MEP1B: variants seen among roughly 807,000 people sequenced by gnomAD.
MEP1B encodes the protein meprin A subunit beta.
A neutral mutation model predicts 84.6 loss-of-function variants in MEP1B; 80 were observed. The observed-to-expected ratio is 0.95, with a 90% CI of 0.79 to 1.14. The LOEUF is 1.14. MEP1B is among the 50% of genes most tolerant of loss of function. The pLI is 0.00. For synonymous variants in MEP1B, 273 were observed against 288.1 expected (o/e 0.95, Z 0.53); for missense variants, 766 against 855.1 (o/e 0.90, Z 1.30).
intron 14 of MEP1B, among the ~76,000 whole-genome samples, chr18:32,218,254 G>A (rs538193874): frequency 6.6e-6 from 1 of 152,234 alleles, no homozygotes; most frequent in East Asian, 1.9e-4. Flanking sequence ...GACCTGAAAG[G>A]CACAACTGAT....
intron 6 of MEP1B, 90 bp from the exon 7 acceptor site, chr18:32,204,092 G>A (rs2040939285): frequency 9.5e-7 from 1 of 1,056,954 alleles, no homozygotes; most frequent in Admixed American, 2.0e-5. Flanking sequence ...AATGAAGTGG[G>A]TAATGAAGTG....
chr18:32,201,820 T>C (rs985635736), intron 5 of MEP1B, among the ~76,000 whole-genome samples: 3 of 152,256 alleles, frequency 2.0e-5, no homozygotes, highest in Non-Finnish European at 2.9e-5. Context: ...GGGTCTTCCC[T>C]ATGTGAATCC....
intron 14 of MEP1B, among the ~76,000 whole-genome samples, chr18:32,219,235 C>T (rs1359751313): frequency 6.6e-6 from 1 of 152,170 alleles, no homozygotes; most frequent in African/African-American, 2.4e-5. Context: ...TCAGTCAAAA[C>T]ATGAACAATG....
At chr18:32,192,579 A>G (rs981487635) in intron 2 of MEP1B, 67 bp from the exon 3 acceptor site, 33 of 1,457,068 alleles carry the variant, frequency 2.3e-5, no homozygotes, top group Non-Finnish European at 2.9e-5. Context: ...GATTATATAA[A>G]TGATAAAGGT....
At chr18:32,195,301 G>A in intron 4 of MEP1B, 106 bp from the exon 5 acceptor site, 1 of 688,218 alleles carries the variant, frequency 1.5e-6, no homozygotes, top group South Asian at 1.8e-5. Flanking sequence ...ATTTGTTTGT[G>A]CGAACTGGGA....
At chr18:32,201,552 A>G (rs1020966612) in intron 5 of MEP1B, among the ~76,000 whole-genome samples, 2 of 152,178 alleles carry the variant, frequency 1.3e-5, no homozygotes, top group African/African-American at 4.8e-5. Flanking sequence ...TATTTTGATG[A>G]CATAATATTT....
chr18:32,192,070 CAT>C (rs1236706336), intron 2 of MEP1B, among the ~76,000 whole-genome samples: 2 of 152,058 alleles, frequency 1.3e-5, no homozygotes, highest in African/African-American at 4.8e-5. Context: ...GTGACTGACA[CAT>C]AGACATCCCA....
rs746309398 is a variant in MEP1B at position 32,204,181 on chromosome 18, G to A, written c.369-1G>A. The A allele has an allele frequency of 6.2e-6, 10 of 1,603,916 alleles. No homozygotes were observed. The highest frequency in any genetic ancestry group is 1.7e-4 in the Middle Eastern group (1 of 6,044). On this transcript the variant is annotated splice_acceptor_variant, in intron 6 of 14. Coordinates refer to ENST00000269202, the MANE Select transcript of MEP1B (RefSeq NM_005925.3). LOFTEE classifies it high-confidence loss of function. Reference sequence around the variant, plus strand: ...CCCTTTCTTGTAAACTCTCCTGTAAGCTGCTGGTCTTCAGTAGGAAATAGG... The same window carrying A: ...CCCTTTCTTGTAAACTCTCCTGTAAACTGCTGGTCTTCAGTAGGAAATAGG...
rs529373473 is a variant in MEP1B, at chr18:32,191,809, G to A, written c.64-13G>A. On this transcript the variant is annotated splice_polypyrimidine_tract_variant and intron_variant, in intron 1 of 14. Coordinates refer to ENST00000269202, the MANE Select transcript of MEP1B (RefSeq NM_005925.3). ...TTATAATAATATGTTTTGTTTATGT[G>A]TTTATTTCCCAGGCAACTCCAGAAA... 4 of 1,522,242 alleles carry A rather than the reference G, an allele frequency of 2.6e-6. No homozygotes were observed. The highest frequency in any genetic ancestry group is 2.4e-5 in the East Asian group (1 of 42,280). The allele number at this position is 1,522,242 out of a possible 1,614,324, so 94.3% of individuals were successfully genotyped here.
At chr18:32,193,767 C>T (rs2040825591) in intron 4 of MEP1B, among the ~76,000 whole-genome samples, 2 of 152,128 alleles carry the variant, frequency 1.3e-5, no homozygotes, top group South Asian at 4.1e-4. Flanking sequence ...AGTCCTCCCA[C>T]CCCCAGGAAA....
chr18:32,220,155 C>G, intron 14 of MEP1B, 76 bp from the exon 15 acceptor site: 1 of 1,356,746 alleles, frequency 7.4e-7, no homozygotes, highest in Non-Finnish European at 1.0e-6. Context: ...AAGACCAGAT[C>G]ATTTTATTAT....
chr18:32,196,576 C>T lies in MEP1B; in HGVS notation c.250+1091C>T, dbSNP rs2040857404. The T allele has an allele frequency of 4.2e-6, 3 of 716,044 alleles. No homozygotes were observed. The highest frequency in any genetic ancestry group is 5.1e-6 in the Non-Finnish European group (2 of 389,794). 44.4% of individuals were successfully genotyped at this position (716,044 alleles called of 1,614,324 possible). A position where few individuals can be genotyped will look rare whatever the true frequency, so the allele number is the denominator to read the frequency against. On this transcript the variant is annotated intron_variant, in intron 5 of 14. Transcript: ENST00000269202. This position sits in a 1 kb window ranked among gnomAD's most constrained non-coding sequence, Gnocchi z 4.4. ...TGGTACTTGGTGCTGACGGCCAGCG[C>T]GTTGTCCAGGAAGCACAGCGACAGG...
chr18:32,211,413 G>T (rs1161401423), intron 10 of MEP1B, among the ~76,000 whole-genome samples: 2 of 152,146 alleles, frequency 1.3e-5, no homozygotes, highest in Non-Finnish European at 2.9e-5. Context: ...GCTTGAGGGG[G>T]AATTATTAAT....
At chr18:32,206,238 C>T (rs1321167119) in intron 7 of MEP1B, among the ~76,000 whole-genome samples, 1 of 152,104 alleles carries the variant, frequency 6.6e-6, no homozygotes, top group African/African-American at 2.4e-5. Context: ...TTCCAGTAAC[C>T]ATGAATTATG....
chr18:32,210,256 G>A (rs1382352253), intron 9 of MEP1B, among the ~76,000 whole-genome samples: 2 of 152,168 alleles, frequency 1.3e-5, no homozygotes, highest in African/African-American at 4.8e-5. Context: ...TAGTGCCCAC[G>A]GAAAACTACT....
Position 32,202,955 on chromosome 18 carries a change from G to T in MEP1B, c.313G>T (p.Asp105Tyr). The change falls in exon 6 of 15, where the codon GAC (aspartate) becomes TAC (tyrosine). Residue 105 changes from aspartate to tyrosine, a missense_variant. Physicochemically the swap from Asp to Tyr is radical, Grantham distance 160. Transcript: ENST00000269202. The part of the protein sequence containing the change: ...FERYRLKTCI[D>Y]FKPWAGETNY... ...ACGTTATCGCCTTAAAACATGTATT[G>T]ACTTTAAGCCTTGGGCTGGAGAAAC... The T allele has an allele frequency of 6.2e-7, 1 of 1,612,902 alleles. No homozygotes were observed.
rs530101216 is a variant in MEP1B, at chr18:32,203,271, G to A, written c.368+261G>A. The A allele has an allele frequency of 3.8e-4, 128 of 340,428 alleles. 1 individual carries two copies. The East Asian group carries it at 6.0e-3, about 16-fold the overall frequency. The allele number at this position is 340,428 out of a possible 1,614,324, so 21.1% of individuals were successfully genotyped here. A position where few individuals can be genotyped will look rare whatever the true frequency, so the allele number is the denominator to read the frequency against. ...CCCACAACCTTGTGAATTTCAGCCCGTTTGTAATTTACATACTCTTTATCC... is the reference window on the plus strand; with the variant it reads ...CCCACAACCTTGTGAATTTCAGCCCATTTGTAATTTACATACTCTTTATCC... On this transcript the variant is annotated intron_variant, in intron 6 of 14. Transcript: ENST00000269202.
At position 32,196,909 on chromosome 18, in the gene MEP1B, C is replaced by G. The variant is rs9635883; in HGVS notation, c.250+1424C>G. On this transcript the variant is annotated intron_variant, in intron 5 of 14. Coordinates refer to ENST00000269202, the MANE Select transcript of MEP1B (RefSeq NM_005925.3). The surrounding 1 kb of genome is among the most constrained non-coding windows in gnomAD (Gnocchi z 4.4). ...AGGCGCAGGCAGGCTCAGATCTCCA[C>G]GTGCACTGCTCCCTACACTTGGTTA... is the stretch of plus-strand genomic sequence containing the variant. 1,293 of 431,126 alleles carry G rather than the reference C, an allele frequency of 3.0e-3. 38 individuals carry two copies. The East Asian group carries it at 0.055, about 18-fold the overall frequency. 26.7% of individuals were successfully genotyped at this position (431,126 alleles called of 1,614,324 possible). A position where few individuals can be genotyped will look rare whatever the true frequency, so the allele number is the denominator to read the frequency against.
intron 14 of MEP1B, 25 bp downstream of exon 14, chr18:32,217,990 A>G (rs756391999): frequency 3.7e-6 from 6 of 1,608,406 alleles, no homozygotes; most frequent in East Asian, 2.2e-5. Flanking sequence ...ATGTTTGATT[A>G]TTCATAACCT....
Sources: allele counts gnomAD v4.1 joint callset (sites outside exome capture counted in the v4.1 genomes callset), GRCh38; gene constraint gnomAD v4.1.1; non-coding constraint Gnocchi (gnomAD v3.1); transcripts MANE v1.5; gene names NCBI Gene and HGNC (gene_info 2026-07-23, HGNC 2026-07-21).